The following DPP10 variants were observed in gnomAD, a reference collection of about 807,000 sequenced individuals.
DPP10 encodes the protein dipeptidyl peptidase like 10.
A neutral mutation model predicts 120.9 loss-of-function variants in DPP10; 33 were observed. The ratio of observed to expected loss-of-function variants is 0.27; its 90% CI spans 0.21 to 0.37. The LOEUF is 0.37. Ranked by LOEUF, DPP10 falls within the 10% of genes least tolerant of loss-of-function variation. The pLI, the probability that DPP10 is intolerant of heterozygous loss-of-function variation, is 1.00. For synonymous variants in DPP10, 337 were observed against 326.1 expected (o/e 1.03, Z -0.36); for missense variants, 816 against 942.8 (o/e 0.87, Z 1.76).
chr2:115,660,013 T>A (rs573653087), intron 5 of DPP10, among the ~76,000 whole-genome samples: 193 of 152,296 alleles, frequency 1.3e-3, no homozygotes, highest in African/African-American at 4.2e-3. Flanking sequence ...GGGGTAAATT[T>A]AAAAAATACT....
intron 1 of DPP10, among the ~76,000 whole-genome samples, chr2:114,624,247 A>G (rs562571750): frequency 6.6e-6 from 1 of 151,920 alleles, no homozygotes; most frequent in Non-Finnish European, 1.5e-5. Context: ...TGGCCTCTCT[A>G]GGGAGAGACT....
intron 1 of DPP10, among the ~76,000 whole-genome samples, chr2:114,932,733 A>G (rs1696170795): frequency 6.6e-6 from 1 of 152,204 alleles, no homozygotes; most frequent in South Asian, 2.1e-4. Flanking sequence ...GGTTATGGTT[A>G]TACTGGTGTA....
At chr2:114,956,839 A>G (rs889258075) in intron 1 of DPP10, among the ~76,000 whole-genome samples, 3 of 152,142 alleles carry the variant, frequency 2.0e-5, no homozygotes, top group African/African-American at 7.2e-5. Context: ...AGAATATGCA[A>G]TGGAGAAAAG....
Position 115,055,983 on chromosome 2 carries a change from CA to C in DPP10, c.61-253250del, listed in dbSNP as rs71297178. On this transcript the variant is annotated intron_variant, in intron 1 of 25. Coordinates refer to ENST00000410059, the MANE Select transcript of DPP10 (RefSeq NM_020868.6). ...ATTATAAAGGATGTAAAAATGAAAA[CA>C]AAAAATGGAAATTATAAAGAATGCA... 2.4e-3 allele frequency among the ~76,000 whole-genome samples: 358 copies of C among 151,910 alleles called. 1 individual carries two copies. Among genetic ancestry groups the C allele is most frequent in the African/African-American group, 8.1e-3 (336 of 41,442 alleles).
intron 1 of DPP10, among the ~76,000 whole-genome samples, chr2:114,812,029 G>A (rs1467926647): frequency 6.6e-6 from 1 of 152,124 alleles, no homozygotes. Flanking sequence ...CTCTATGCGA[G>A]TTTCCAACCT....
chr2:115,202,542 A>T (rs11896538), intron 1 of DPP10, among the ~76,000 whole-genome samples: 2 of 152,094 alleles, frequency 1.3e-5, no homozygotes, highest in South Asian at 4.1e-4. Context: ...AGGAAAGTCT[A>T]TATCAGAGAC....
intron 1 of DPP10, among the ~76,000 whole-genome samples, chr2:115,014,772 C>A (rs1702511444): frequency 2.6e-5 from 4 of 151,442 alleles, no homozygotes; most frequent in South Asian, 2.1e-4. Context: ...ACATATACAC[C>A]CTCCCAAGAT....
intron 1 of DPP10, among the ~76,000 whole-genome samples, chr2:114,930,333 C>T (rs1427444437): frequency 6.6e-6 from 1 of 152,192 alleles, no homozygotes; most frequent in Non-Finnish European, 1.5e-5. Context: ...TAGGTCATTT[C>T]CTCGCTACCA....
intron 1 of DPP10, among the ~76,000 whole-genome samples, chr2:114,892,754 A>C (rs951687519): frequency 2.0e-5 from 3 of 152,138 alleles, no homozygotes. Context: ...TCATTTGATG[A>C]GGCTTTTTAA....
At chr2:115,216,510 G>A (rs2056828273) in intron 1 of DPP10, among the ~76,000 whole-genome samples, 1 of 152,130 alleles carries the variant, frequency 6.6e-6, no homozygotes, top group African/African-American at 2.4e-5. Flanking sequence ...AAGGCTGGGT[G>A]CAGTGGCTCG....
At chr2:115,556,372 T>TC (rs1006466126) in intron 5 of DPP10, among the ~76,000 whole-genome samples, 2 of 150,096 alleles carry the variant, frequency 1.3e-5, no homozygotes, top group African/African-American at 2.4e-5. Flanking sequence ...AGGTTTTTTT[T>TC]TTTTTTTTTT....
intron 1 of DPP10, among the ~76,000 whole-genome samples, chr2:115,052,652 T>C (rs1382901166): frequency 6.6e-6 from 1 of 151,962 alleles, no homozygotes. Context: ...CTAGAATGGC[T>C]AAGAAAAATG....
At chr2:115,447,924 G>A (rs1478014223) in intron 3 of DPP10, among the ~76,000 whole-genome samples, 1 of 152,198 alleles carries the variant, frequency 6.6e-6, no homozygotes, top group African/African-American at 2.4e-5. Context: ...ATACCAAAAG[G>A]TGATGGATAG....
intron 19 of DPP10, among the ~76,000 whole-genome samples, chr2:115,802,514 T>C (rs2149978903): frequency 6.6e-6 from 1 of 152,334 alleles, no homozygotes; most frequent in African/African-American, 2.4e-5. Context: ...TTCTTTTAAT[T>C]GTGATGTTAG....
chr2:115,770,562 A>G (rs1681339864), intron 13 of DPP10, among the ~76,000 whole-genome samples: 1 of 151,924 alleles, frequency 6.6e-6, no homozygotes, highest in South Asian at 2.1e-4. Context: ...CTACTTTGCT[A>G]ATGAGTCAGA....
At chr2:115,106,758 G>T (rs929943988) in intron 1 of DPP10, among the ~76,000 whole-genome samples, 18 of 152,032 alleles carry the variant, frequency 1.2e-4, no homozygotes, top group African/African-American at 4.1e-4. Flanking sequence ...ACTGCACCCA[G>T]CCTGATGTGT....
intron 19 of DPP10, among the ~76,000 whole-genome samples, chr2:115,800,553 G>A (rs1182711708): frequency 1.3e-5 from 2 of 152,032 alleles, no homozygotes; most frequent in Non-Finnish European, 2.9e-5. Context: ...TTCTTCTAGG[G>A]TTTTTATGGT....
chr2:114,938,367 A>G (rs1169149877), intron 1 of DPP10, among the ~76,000 whole-genome samples: 2 of 152,126 alleles, frequency 1.3e-5, no homozygotes, highest in Admixed American at 1.3e-4. Flanking sequence ...CACCATAAAT[A>G]TTGGTACATA....
At chr2:114,945,009 A>G (rs1697240145) in intron 1 of DPP10, among the ~76,000 whole-genome samples, 1 of 152,240 alleles carries the variant, frequency 6.6e-6, no homozygotes, top group Admixed American at 6.5e-5. Context: ...TCTTCAACAA[A>G]TGATATTGGA....
Sources: allele counts gnomAD v4.1 joint callset (sites outside exome capture counted in the v4.1 genomes callset), GRCh38; gene constraint gnomAD v4.1.1; transcripts MANE v1.5; gene names NCBI Gene and HGNC (gene_info 2026-07-23, HGNC 2026-07-21).